DDI2: variants seen among roughly 807,000 people sequenced by gnomAD.
DDI2 encodes DDI proteasomal shuttling factor 2, also known as protein DDI1 homolog 2.
A neutral mutation model predicts 48.1 loss-of-function variants in DDI2; 5 were observed. That is an observed-to-expected ratio of 0.10 (90% confidence interval 0.05 to 0.22). The LOEUF (loss-of-function observed/expected upper bound fraction) is 0.22. DDI2 is among the 10% of genes least tolerant of loss of function. The probability of loss-of-function intolerance (pLI) is 1.00; values close to 1 mark genes in which losing one functional copy is unlikely to be tolerated. For synonymous variants in DDI2, 205 were observed against 183.6 expected (o/e 1.12, Z -0.94); for missense variants, 285 against 506.2 (o/e 0.56, Z 4.19).
intron 1 of DDI2, among the ~76,000 whole-genome samples, chr1:15,619,372 C>G (rs1303296092): frequency 6.6e-6 from 1 of 151,976 alleles, no homozygotes; most frequent in East Asian, 1.9e-4. Context: ...GTGATCTGCC[C>G]GCCTCGGCCT....
chr1:15,668,232 T>G lies in DDI2; in HGVS notation c.*8442T>G, dbSNP rs1640483293. On this transcript the variant is annotated 3_prime_UTR_variant, in exon 10 of 10. Coordinates refer to ENST00000480945, the MANE Select transcript of DDI2 (RefSeq NM_032341.5). Reference sequence around the variant, plus strand: ...TAAAAATGGTAGACCTGTATTTCCTTCCCGAGGCAGGCTGATTCGTTTCCT... The same window carrying G: ...TAAAAATGGTAGACCTGTATTTCCTGCCCGAGGCAGGCTGATTCGTTTCCT... 1 of 152,150 alleles carries G rather than the reference T, an allele frequency of 6.6e-6. No individual in the cohort carries two copies. The highest frequency in any genetic ancestry group is 1.5e-5 in the Non-Finnish European group (1 of 68,044). 9.4% of individuals were successfully genotyped at this position (152,150 alleles called of 1,614,324 possible).
At chr1:15,640,270 A>G (rs1291828618) in intron 5 of DDI2, among the ~76,000 whole-genome samples, 2 of 152,154 alleles carry the variant, frequency 1.3e-5, no homozygotes, top group Non-Finnish European at 2.9e-5. Flanking sequence ...TAGGTGCTTA[A>G]TATAATCATC....
intron 9 of DDI2, among the ~76,000 whole-genome samples, chr1:15,657,283 A>T (rs1032603126): frequency 1.3e-5 from 2 of 152,216 alleles, no homozygotes; most frequent in African/African-American, 2.4e-5. Flanking sequence ...CATCAGCTCG[A>T]ATACATTGGC....
intron 4 of DDI2, among the ~76,000 whole-genome samples, chr1:15,634,943 T>TA (rs1349854832): frequency 6.6e-6 from 1 of 152,184 alleles, no homozygotes; most frequent in Non-Finnish European, 1.5e-5. Context: ...TTACTCTTCT[T>TA]ACTACATTTG....
rs756307327 is a variant in DDI2 at position 15,638,440 on chromosome 1, G to T, written c.760+6G>T. 1.1e-5 allele frequency: 18 copies of T among 1,611,460 alleles called. 1 individual carries two copies. Among genetic ancestry groups the T allele is most frequent in the Non-Finnish European group, 1.4e-5 (17 of 1,178,704 alleles). ...GAAAGCCTTTGTTGACTCAGGTGAC[G>T]TCTCTGTCTTTTATTTCTTGGTCTC... On this transcript the variant is annotated splice_donor_region_variant and intron_variant, in intron 5 of 9. Transcript: ENST00000480945.
intron 3 of DDI2, among the ~76,000 whole-genome samples, chr1:15,631,362 T>G (rs1036001764): frequency 6.6e-6 from 1 of 152,106 alleles, no homozygotes; most frequent in African/African-American, 2.4e-5. Flanking sequence ...GCAGTCTGCC[T>G]GCCTTGGCCT....
chr1:15,630,598 T>G, intron 3 of DDI2, 37 bp downstream of exon 3: 1 of 1,432,768 alleles, frequency 7.0e-7, no homozygotes, highest in Non-Finnish European at 9.8e-7. Flanking sequence ...TAGGCTGGCC[T>G]GAGGTGAAGA....
intron 6 of DDI2, among the ~76,000 whole-genome samples, chr1:15,644,537 G>C (rs1042136322): frequency 6.7e-6 from 1 of 148,680 alleles, no homozygotes; most frequent in Non-Finnish European, 1.5e-5. Context: ...ATTCTGTTCC[G>C]ATTCTTGATC....
rs1402557127 is a variant in DDI2, at chr1:15,617,576, T to A, written c.-95T>A. 3 of 1,100,716 alleles carry A rather than the reference T, an allele frequency of 2.7e-6. No homozygotes were observed. Among genetic ancestry groups the A allele is most frequent in the Non-Finnish European group, 3.5e-6 (3 of 865,244 alleles). 68.2% of individuals were successfully genotyped at this position (1,100,716 alleles called of 1,614,324 possible). On this transcript the variant is annotated 5_prime_UTR_variant, in exon 1 of 10. Transcript: ENST00000480945. ...AGCGAACGAGCAGCCGGCGCCGTCCTCCCGCAGCACCAGCCAGGCCACGCC... is the reference window on the plus strand; with the variant it reads ...AGCGAACGAGCAGCCGGCGCCGTCCACCCGCAGCACCAGCCAGGCCACGCC...
chr1:15,618,763 A>G (rs980793812), intron 1 of DDI2, among the ~76,000 whole-genome samples: 1 of 152,242 alleles, frequency 6.6e-6, no homozygotes, highest in Non-Finnish European at 1.5e-5. Context: ...TTAGATCATG[A>G]CTTAATAAAT....
At chr1:15,635,262 C>G (rs1158372641) in intron 4 of DDI2, among the ~76,000 whole-genome samples, 1 of 151,450 alleles carries the variant, frequency 6.6e-6, no homozygotes, top group Non-Finnish European at 1.5e-5. Context: ...TAATTGTACA[C>G]TAGAATTAAT....
At position 15,660,097 on chromosome 1, in the gene DDI2, C is replaced by T; in HGVS notation, c.*307C>T. 1 of 1,614,094 alleles carries T rather than the reference C, an allele frequency of 6.2e-7. No individual in the cohort carries two copies. Among genetic ancestry groups the T allele is most frequent in the South Asian group, 1.1e-5 (1 of 91,082 alleles). On this transcript the variant is annotated 3_prime_UTR_variant, in exon 10 of 10. Transcript: ENST00000480945. The stretch of plus-strand genomic sequence containing the variant: ...GAAAGAACATCTTTCTTTACAAGAT[C>T]TTTCTGATCATGCTTCCTCAGCAGA...
chr1:15,625,728 C>T (rs1639742632), intron 1 of DDI2, among the ~76,000 whole-genome samples: 1 of 152,150 alleles, frequency 6.6e-6, no homozygotes, highest in Admixed American at 6.6e-5. Context: ...AAGCAATTCT[C>T]CTGCCACAGC....
At position 15,634,213 on chromosome 1, in the gene DDI2, G is replaced by C. The variant is rs368473226; in HGVS notation, c.632+648G>C. 3.1e-4 allele frequency: 49 copies of C among 157,410 alleles called. No individual in the cohort carries two copies. The South Asian group carries it at 9.0e-3, about 29-fold the overall frequency. 9.8% of individuals were successfully genotyped at this position (157,410 alleles called of 1,614,324 possible). The stretch of plus-strand genomic sequence containing the variant: ...AAATCTGATGAATCAGAATTGTCGG[G>C]CATGGAGCTCAAGCAAGGACAGTGA... On this transcript the variant is annotated intron_variant, in intron 4 of 9. Transcript: ENST00000480945.
chr1:15,653,327 G>A (rs558049983), intron 8 of DDI2, among the ~76,000 whole-genome samples: 1 of 151,186 alleles, frequency 6.6e-6, no homozygotes, highest in Non-Finnish European at 1.5e-5. Flanking sequence ...CCATGCTGGA[G>A]TGCAGTGGCG....
intron 1 of DDI2, among the ~76,000 whole-genome samples, chr1:15,622,353 T>A (rs144424765): frequency 1.0e-3 from 156 of 152,240 alleles, no homozygotes; most frequent in African/African-American, 3.6e-3. Flanking sequence ...ATGCTAGAAA[T>A]TTATTGTTAA....
chr1:15,638,551 T>TTTTTC, intron 5 of DDI2, 117 bp downstream of exon 5: 1 of 955,894 alleles, frequency 1.0e-6, no homozygotes, highest in Admixed American at 2.6e-5. Flanking sequence ...TTTTTTTTTT[T>TTTTTC]TGAGACAGAG....
At chr1:15,627,424 T>C (rs1175362026) in intron 2 of DDI2, among the ~76,000 whole-genome samples, 2 of 152,224 alleles carry the variant, frequency 1.3e-5, no homozygotes, top group African/African-American at 4.8e-5. Flanking sequence ...GACCACCAAG[T>C]TGTGGTTCTT....
intron 6 of DDI2, among the ~76,000 whole-genome samples, chr1:15,647,972 A>T (rs373625631): frequency 2.0e-4 from 31 of 151,854 alleles, no homozygotes; most frequent in East Asian, 1.5e-3. Flanking sequence ...CTCAAAAAAA[A>T]TTTTTTTTTA....
Sources: gnomAD v4.1 joint callset for allele counts (sites outside exome capture counted in the v4.1 genomes callset) on GRCh38, gnomAD v4.1.1 for gene constraint, MANE v1.5 for transcripts, NCBI Gene and HGNC (gene_info 2026-07-23, HGNC 2026-07-21) for gene names.